Variants in AHI1 observed in about 807,000 individuals in gnomAD.
AHI1 encodes Abelson helper integration site 1.
In AHI1, 123 loss-of-function variants were observed where a neutral mutation model predicts 149.3. That is an observed-to-expected ratio of 0.82 (90% CI 0.71 to 0.96). The LOEUF (loss-of-function observed/expected upper bound fraction) is 0.96. Ranked by LOEUF, AHI1 falls within the 40% of genes least tolerant of loss-of-function variation. AHI1 has a pLI of 0.00. For missense variants in AHI1, 1,439 were observed against 1,422.7 expected (o/e 1.01, Z -0.18); for synonymous variants, 475 against 459.8 (o/e 1.03, Z -0.42).
At chr6:135,312,963 A>G (rs1370941178) in intron 26 of AHI1, among the ~76,000 whole-genome samples, 2 of 152,242 alleles carry the variant, frequency 1.3e-5, no homozygotes, top group African/African-American at 2.4e-5. Flanking sequence ...ATGAAATTAA[A>G]TATCTGATAG....
rs553818559 is a variant in AHI1 at position 135,425,724 on chromosome 6, C to T, written c.2764+1443G>A. Among the ~76,000 whole-genome samples the T allele has an allele frequency of 5.9e-5, 9 of 151,844 alleles. No individual in the cohort carries two copies. In the East Asian group the frequency reaches 1.7e-3, roughly 29 times the overall value. The stretch of plus-strand genomic sequence containing the variant: ...AGCCTAAACCCCATTTTTTTAGACT[C>T]CTAAAATGCTTAGCTCTTTCTCCTA... On this transcript the variant is annotated intron_variant, in intron 20 of 28. Transcript: ENST00000265602.
chr6:135,398,682 T>G lies in AHI1; in HGVS notation c.2989-3786A>C, dbSNP rs144415156. ...AATGCATCTTGGTTTTCTCAAAACC[T>G]TTACCTCCTTTTCTCTCTTAGTTCA... On this transcript the variant is annotated intron_variant, in intron 22 of 28. Coordinates refer to ENST00000265602, the MANE Select transcript of AHI1 (RefSeq NM_001134831.2). 6.2e-4 allele frequency among the ~76,000 whole-genome samples: 94 copies of G among 152,316 alleles called. No homozygotes were observed. The East Asian group carries it at 0.017, about 28-fold the overall frequency.
chr6:135,451,769 T>C (rs1788142949), intron 11 of AHI1, among the ~76,000 whole-genome samples: 1 of 152,186 alleles, frequency 6.6e-6, no homozygotes. Context: ...GCACAAATCT[T>C]AGCATAAAAG....
At chr6:135,364,108 G>C (rs553014158) in intron 23 of AHI1, among the ~76,000 whole-genome samples, 1 of 151,508 alleles carries the variant, frequency 6.6e-6, no homozygotes, top group Non-Finnish European at 1.5e-5. Flanking sequence ...GGTGGCTGCC[G>C]GGCGGAGATG....
chr6:135,305,762 A>G (rs1351718620), intron 26 of AHI1, among the ~76,000 whole-genome samples: 1 of 152,092 alleles, frequency 6.6e-6, no homozygotes, highest in African/African-American at 2.4e-5. Context: ...TCAGGATAAA[A>G]TTCACCTCCT....
intron 26 of AHI1, among the ~76,000 whole-genome samples, chr6:135,311,080 T>C (rs1785136783): frequency 6.6e-6 from 1 of 151,954 alleles, no homozygotes; most frequent in South Asian, 2.1e-4. Flanking sequence ...GGCGCGCAGA[T>C]CACTTGAGGC....
At chr6:135,418,922 C>T (rs1448560400) in intron 20 of AHI1, among the ~76,000 whole-genome samples, 2 of 151,628 alleles carry the variant, frequency 1.3e-5, no homozygotes, top group East Asian at 3.8e-4. Flanking sequence ...CTAACATCTG[C>T]AGTAAATGTT....
rs1788833484 is a variant in AHI1, at chr6:135,455,747, A to ATATCC, written c.1330_1331insGGATA (p.Ile444ArgfsTer12). The ATATCC allele has an allele frequency of 6.3e-7, 1 of 1,594,294 alleles. No individual in the cohort carries two copies. Among genetic ancestry groups the ATATCC allele is most frequent in the Non-Finnish European group, 8.6e-7 (1 of 1,168,204 alleles). On this transcript the variant is annotated frameshift_variant, in exon 10 of 29. Coordinates refer to ENST00000265602, the MANE Select transcript of AHI1 (RefSeq NM_001134831.2). LOFTEE classifies it high-confidence loss of function. Reference sequence around the variant, plus strand: ...TTCAATTCATACCTCAAAGAACAGGATGACTTTAGGACTCTCATCAGAGCC... The same window carrying ATATCC: ...TTCAATTCATACCTCAAAGAACAGGATATCCTGACTTTAGGACTCTCATCAGAGCC...
At chr6:135,301,342 T>C in intron 26 of AHI1, 2 of 968,296 alleles carry the variant, frequency 2.1e-6, no homozygotes, top group Non-Finnish European at 2.5e-6. Flanking sequence ...ATACCATATG[T>C]TCCTAATTAT....
chr6:135,478,672 C>T (rs1382289520), intron 5 of AHI1, among the ~76,000 whole-genome samples: 1 of 152,184 alleles, frequency 6.6e-6, no homozygotes, highest in African/African-American at 2.4e-5. Context: ...AACCAGTTTT[C>T]TGAGGAGGAA....
intron 10 of AHI1, among the ~76,000 whole-genome samples, chr6:135,453,966 C>G (rs1788528181): frequency 6.6e-6 from 1 of 152,190 alleles, no homozygotes. Context: ...AGATCGTATT[C>G]TAGATATTTA....
chr6:135,478,264 G>A (rs1456940930), intron 5 of AHI1, among the ~76,000 whole-genome samples: 1 of 152,192 alleles, frequency 6.6e-6, no homozygotes, highest in Non-Finnish European at 1.5e-5. Context: ...AGACAGGAAG[G>A]TTTGGAACTT....
At chr6:135,397,939 T>A (rs1583026007) in intron 22 of AHI1, among the ~76,000 whole-genome samples, 1 of 151,898 alleles carries the variant, frequency 6.6e-6, no homozygotes, top group Non-Finnish European at 1.5e-5. Context: ...CACAAATTCA[T>A]CTCTCTCCCA....
chr6:135,332,365 C>T (rs916278855), intron 24 of AHI1, among the ~76,000 whole-genome samples: 5 of 152,310 alleles, frequency 3.3e-5, no homozygotes, highest in Admixed American at 6.5e-5. Context: ...CCGCTCCTGG[C>T]CCAGGTTTAG....
intron 21 of AHI1, among the ~76,000 whole-genome samples, chr6:135,407,661 A>AT (rs1265678333): frequency 4.6e-5 from 7 of 152,150 alleles, no homozygotes; most frequent in Non-Finnish European, 7.4e-5. Context: ...TTCAAAGTAA[A>AT]TTTTTTTATA....
intron 24 of AHI1, 124 bp downstream of exon 24, chr6:135,358,008 C>T: frequency 2.7e-6 from 2 of 746,352 alleles, no homozygotes; most frequent in South Asian, 3.5e-5. Flanking sequence ...ATGAACAAAT[C>T]TTGCAGGGAT....
At chr6:135,319,027 C>T (rs1427607831) in intron 25 of AHI1, among the ~76,000 whole-genome samples, 1 of 152,118 alleles carries the variant, frequency 6.6e-6, no homozygotes, top group African/African-American at 2.4e-5. Flanking sequence ...CAGAGAAAGA[C>T]ATGTTTACAA....
At chr6:135,380,537 T>C (rs988976322) in intron 23 of AHI1, among the ~76,000 whole-genome samples, 5 of 152,196 alleles carry the variant, frequency 3.3e-5, no homozygotes, top group Non-Finnish European at 4.4e-5. Flanking sequence ...ATTTGCTTAA[T>C]GTCATTCTCC....
chr6:135,385,060 G>A (rs1777388457), intron 23 of AHI1, among the ~76,000 whole-genome samples: 1 of 152,086 alleles, frequency 6.6e-6, no homozygotes, highest in Non-Finnish European at 1.5e-5. Flanking sequence ...CTGCACTCCT[G>A]CCTGGGCGAC....
Sources: gnomAD v4.1 joint callset for allele counts (sites outside exome capture counted in the v4.1 genomes callset) on GRCh38, gnomAD v4.1.1 for gene constraint, MANE v1.5 for transcripts, NCBI Gene and HGNC (gene_info 2026-07-23, HGNC 2026-07-21) for gene names.